The following PACRG variants were observed in gnomAD, a reference collection of about 807,000 sequenced individuals.
PACRG encodes the protein parkin coregulated.
In PACRG, 29 loss-of-function variants were observed where a neutral mutation model predicts 29.7. That is an observed-to-expected ratio of 0.98 (90% confidence interval 0.73 to 1.33). PACRG has a LOEUF of 1.33. PACRG is among the 40% of genes most tolerant of loss of function. The probability of loss-of-function intolerance (pLI) is 0.00; values close to 1 mark genes in which losing one functional copy is unlikely to be tolerated. For synonymous variants in PACRG, 116 were observed against 118.7 expected (o/e 0.98, Z 0.15); for missense variants, 279 against 316.2 (o/e 0.88, Z 0.89).
chr6:162,745,666 A>C (rs1780936204), intron 1 of PACRG, among the ~76,000 whole-genome samples: 1 of 152,194 alleles, frequency 6.6e-6, no homozygotes, highest in Non-Finnish European at 1.5e-5. Flanking sequence ...AACTAGGATG[A>C]CTGCTGATTT....
intron 4 of PACRG, among the ~76,000 whole-genome samples, chr6:163,281,261 G>A (rs904773881): frequency 6.6e-6 from 1 of 152,314 alleles, no homozygotes; most frequent in Middle Eastern, 3.4e-3. Context: ...AGAAACGGCA[G>A]CAAGGCTACT....
chr6:163,232,828 C>T (rs1782097649), intron 4 of PACRG, among the ~76,000 whole-genome samples: 1 of 152,206 alleles, frequency 6.6e-6, no homozygotes, highest in South Asian at 2.1e-4. Flanking sequence ...CCCCCCAGCT[C>T]ACGCTCCCAG....
intron 2 of PACRG, among the ~76,000 whole-genome samples, chr6:163,014,003 T>A (rs1256249381): frequency 6.6e-6 from 1 of 152,172 alleles, no homozygotes; most frequent in Non-Finnish European, 1.5e-5. Flanking sequence ...TAGTCTTAGT[T>A]AAATTTTGTA....
intron 2 of PACRG, among the ~76,000 whole-genome samples, chr6:162,857,748 C>A (rs1791521230): frequency 6.7e-6 from 1 of 149,402 alleles, no homozygotes; most frequent in Non-Finnish European, 1.5e-5. Context: ...TCTGAATTCT[C>A]CAGATGATCC....
At chr6:162,821,491 T>G (rs1249838633) in intron 2 of PACRG, among the ~76,000 whole-genome samples, 2 of 152,130 alleles carry the variant, frequency 1.3e-5, no homozygotes, top group Non-Finnish European at 2.9e-5. Context: ...AACAAATCAC[T>G]CCTGCTTTTT....
At chr6:163,014,833 G>A (rs908741525) in intron 2 of PACRG, among the ~76,000 whole-genome samples, 16 of 152,064 alleles carry the variant, frequency 1.1e-4, no homozygotes, top group African/African-American at 3.6e-4. Flanking sequence ...CTTTTGCTGT[G>A]CAGAAGCTCC....
At chr6:163,058,499 G>A (rs923497861) in intron 2 of PACRG, among the ~76,000 whole-genome samples, 4 of 152,156 alleles carry the variant, frequency 2.6e-5, no homozygotes, top group East Asian at 1.9e-4. Context: ...AAGGCTGGCC[G>A]TGGTTCCTCA....
rs71008111 is a variant in PACRG, at chr6:162,785,168, C to CAGAGAGAG, written c.157-28952_157-28945dup. Reference sequence around the variant, plus strand: ...ACAAAGAAAGAGAGAATGAGGGAGGCAGAGAGAGAGAGAGAGAGAGAGAGA... The same window carrying CAGAGAGAG: ...ACAAAGAAAGAGAGAATGAGGGAGGCAGAGAGAGAGAGAGAGAGAGAGAGAGAGAGAGA... On this transcript the variant is annotated intron_variant, in intron 1 of 4. Transcript: ENST00000366888. Among the ~76,000 whole-genome samples the CAGAGAGAG allele has an allele frequency of 9.6e-4, 133 of 138,114 alleles. 1 individual carries two copies. The highest frequency in any genetic ancestry group is 2.6e-3 in the African/African-American group (100 of 37,918). 90.6% of individuals were successfully genotyped at this position (138,114 alleles called of 152,430 possible). A position where few individuals can be genotyped will look rare whatever the true frequency, so the allele number is the denominator to read the frequency against.
chr6:163,210,857 A>C (rs750358666), intron 4 of PACRG, among the ~76,000 whole-genome samples: 3 of 152,212 alleles, frequency 2.0e-5, no homozygotes, highest in Non-Finnish European at 2.9e-5. Flanking sequence ...TGGGGGGAAA[A>C]ATGTGGTTCA....
chr6:163,298,410 T>C (rs1784865237), intron 4 of PACRG, among the ~76,000 whole-genome samples: 1 of 152,214 alleles, frequency 6.6e-6, no homozygotes, highest in Non-Finnish European at 1.5e-5. Context: ...AATGCTGTGA[T>C]AAAGCAGGCA....
chr6:163,312,543 C>T (rs951238800), intron 4 of PACRG, among the ~76,000 whole-genome samples: 2 of 152,144 alleles, frequency 1.3e-5, no homozygotes, highest in Non-Finnish European at 2.9e-5. Flanking sequence ...TTCATCTCCC[C>T]CGTGCAGCCA....
At chr6:162,914,004 CTCAG>C (rs1796505556) in intron 2 of PACRG, among the ~76,000 whole-genome samples, 1 of 151,876 alleles carries the variant, frequency 6.6e-6, no homozygotes, top group Non-Finnish European at 1.5e-5. Flanking sequence ...AATAATTTTT[CTCAG>C]TCAGTGGTTA....
At chr6:162,923,526 T>G (rs1044477177) in intron 2 of PACRG, among the ~76,000 whole-genome samples, 3 of 152,210 alleles carry the variant, frequency 2.0e-5, no homozygotes, top group African/African-American at 7.2e-5. Context: ...TTGAATTGGC[T>G]TTTGTATGTG....
chr6:163,179,707 CA>C lies in PACRG; in HGVS notation c.613+90317del, dbSNP rs200887172. 5.5e-3 allele frequency among the ~76,000 whole-genome samples: 575 copies of C among 103,838 alleles called. 3 individuals carry two copies. The highest frequency in any genetic ancestry group is 0.012 in the Admixed American group (116 of 9,580). The allele number at this position is 103,838 out of a possible 152,430, so 68.1% of individuals were successfully genotyped here. On this transcript the variant is annotated intron_variant, in intron 4 of 4. Transcript: ENST00000366888. ...CGGAGCAAGAGAGCAAGATCTGTCT[CA>C]AAAAAAAAAAAAAAAAATTTTCTTA...
rs140280763 is a variant in PACRG at position 162,973,695 on chromosome 6, G to A, written c.292-88455G>A. The stretch of plus-strand genomic sequence containing the variant: ...TGTACTAAGTCATTGTTTCAATAAA[G>A]AAGAACTAAAAAAGTGCTAGAAATA... On this transcript the variant is annotated intron_variant, in intron 2 of 4. Transcript: ENST00000366888. Among the ~76,000 whole-genome samples, 22 of 152,104 alleles carry A rather than the reference G, an allele frequency of 1.4e-4. No homozygotes were observed. In the East Asian group the frequency reaches 2.7e-3, roughly 19 times the overall value.
intron 4 of PACRG, among the ~76,000 whole-genome samples, chr6:163,180,527 T>C (rs1779604023): frequency 6.6e-6 from 1 of 152,094 alleles, no homozygotes. Flanking sequence ...TTCGGGAGGC[T>C]GAGGCAGGAG....
chr6:162,952,631 A>G (rs1484286703), intron 2 of PACRG, among the ~76,000 whole-genome samples: 2 of 152,112 alleles, frequency 1.3e-5, no homozygotes, highest in East Asian at 3.9e-4. Flanking sequence ...GGCTCAGGAG[A>G]GTCCCAGAAT....
intron 4 of PACRG, among the ~76,000 whole-genome samples, chr6:163,113,010 C>T (rs1270193221): frequency 6.6e-6 from 1 of 151,892 alleles, no homozygotes; most frequent in African/African-American, 2.4e-5. Context: ...GTCAAGAAAA[C>T]AATGTATGAA....
chr6:163,135,064 C>T (rs964403525), intron 4 of PACRG, among the ~76,000 whole-genome samples: 5 of 152,118 alleles, frequency 3.3e-5, no homozygotes, highest in African/African-American at 1.2e-4. Flanking sequence ...ATACATTTTT[C>T]ACGTTGTGAA....
Sources: gnomAD v4.1 joint callset for allele counts (sites outside exome capture counted in the v4.1 genomes callset) on GRCh38, gnomAD v4.1.1 for gene constraint, MANE v1.5 for transcripts, NCBI Gene and HGNC (gene_info 2026-07-23, HGNC 2026-07-21) for gene names.